The following PRKDC variants were observed in gnomAD, a reference collection of about 807,000 sequenced individuals.
The protein encoded by PRKDC is protein kinase, DNA-activated, catalytic subunit.
Under a neutral mutation model 486.9 loss-of-function variants are expected in PRKDC, and 82 were observed. The observed-to-expected ratio is 0.17, with a 90% CI of 0.14 to 0.20. PRKDC has a LOEUF of 0.20. PRKDC is among the 10% of genes least tolerant of loss of function. The pLI is 1.00. For missense variants in PRKDC, 4,504 were observed against 5,038.2 expected (o/e 0.89, Z 3.21); for synonymous variants, 1,895 against 1,837.0 (o/e 1.03, Z -0.81).
rs758751159 is a variant in PRKDC at position 47,797,319 on chromosome 8, T to C, written c.10458+918A>G. On this transcript the variant is annotated intron_variant, in intron 73 of 85. Transcript: ENST00000314191. ...GGAAAAAAATAAAATCATAATGAAG[T>C]TATTTGCTCACTTATCTTGAAGAAA... Among the ~76,000 whole-genome samples the C allele has an allele frequency of 3.9e-4, 59 of 152,190 alleles. 1 individual carries two copies. The highest frequency in any genetic ancestry group is 1.7e-3 in the Admixed American group (26 of 15,270).
At chr8:47,902,841 A>T (rs1336026510) in intron 26 of PRKDC, 46 bp from the exon 27 acceptor site, 3 of 1,422,654 alleles carry the variant, frequency 2.1e-6, no homozygotes, top group Non-Finnish European at 2.9e-6. Context: ...TTTTATAACC[A>T]CTGACAACTG....
chr8:47,906,217 C>T (rs545530386), intron 25 of PRKDC, among the ~76,000 whole-genome samples: 2 of 151,962 alleles, frequency 1.3e-5, no homozygotes, highest in South Asian at 2.1e-4. Context: ...CACGGTGGTG[C>T]GTGCCTGTAG....
Position 47,785,278 on chromosome 8 carries a change from C to T in PRKDC, c.10942G>A (p.Gly3648Ser), listed in dbSNP as rs1347911671. The part of the protein sequence containing the change: ...KEFDKHFGKG[G>S]SKLLRMKLSD... Reference sequence around the variant, plus strand: ...AGCTTCATTCTCAGTAGTTTAGAACCTCCTTTCCCAAAATGTTTATCAAAT... The same window carrying T: ...AGCTTCATTCTCAGTAGTTTAGAACTTCCTTTCCCAAAATGTTTATCAAAT... The change falls in exon 77 of 86, where the codon GGT (glycine) becomes AGT (serine). Residue 3648 changes from glycine (G) to serine (S), a missense_variant. Transcript: ENST00000314191. The T allele has an allele frequency of 6.2e-7, 1 of 1,608,272 alleles. No homozygotes were observed. The highest frequency in any genetic ancestry group is 1.3e-5 in the African/African-American group (1 of 74,862).
intron 10 of PRKDC, among the ~76,000 whole-genome samples, chr8:47,941,144 A>C (rs1272739533): frequency 4.6e-5 from 7 of 151,590 alleles, no homozygotes; most frequent in East Asian, 1.9e-4. Context: ...AAAAAAAAAA[A>C]CCAAAAAAAC....
At chr8:47,925,267 C>T (rs910264668) in intron 21 of PRKDC, among the ~76,000 whole-genome samples, 1 of 152,210 alleles carries the variant, frequency 6.6e-6, no homozygotes, top group South Asian at 2.1e-4. Context: ...AAACACTGAC[C>T]AAATGGTTAC....
At chr8:47,783,354 C>T (rs958105299) in intron 78 of PRKDC, among the ~76,000 whole-genome samples, 10 of 149,942 alleles carry the variant, frequency 6.7e-5, no homozygotes, top group Non-Finnish European at 1.2e-4. Flanking sequence ...TTTGCGGAGG[C>T]GGAGGTGGAT....
In PRKDC at chr8:47,904,875, A is replaced by G; in HGVS notation, c.3036T>C (p.Ala1012=). The change falls in exon 26 of 86, where the codon GCT becomes GCC. Residue 1012 remains alanine, a synonymous_variant. Transcript: ENST00000314191. ...AGAATCAACTATTACTTACCAATAT[A>G]GCTTCTAGTAAGGCAACAGTATCCT... ...ESQDTVALLE[A]ILDGIVDPVD... 6.3e-7 allele frequency: 1 copy of G among 1,588,306 alleles called. No homozygotes were observed.
intron 49 of PRKDC, 55 bp downstream of exon 49, chr8:47,857,101 T>C: frequency 1.9e-6 from 3 of 1,560,620 alleles, no homozygotes; most frequent in African/African-American, 1.4e-5. Flanking sequence ...TCATAGGCTC[T>C]ATAGGCTATT....
chr8:47,853,355 G>A (rs968083831), intron 51 of PRKDC, among the ~76,000 whole-genome samples: 2 of 152,222 alleles, frequency 1.3e-5, no homozygotes, highest in African/African-American at 4.8e-5. Context: ...GTCATCTCTG[G>A]CACCAGTAAC....
chr8:47,786,648 A>T (rs1028918757), intron 76 of PRKDC, among the ~76,000 whole-genome samples: 6 of 152,206 alleles, frequency 3.9e-5, no homozygotes, highest in Admixed American at 3.9e-4. Flanking sequence ...GAAAAATTTA[A>T]GAATGCTACT....
At chr8:47,777,115 C>CTTTGTAGCTG in intron 84 of PRKDC, 132 bp from the exon 85 acceptor site, 14 of 1,147,798 alleles carry the variant, frequency 1.2e-5, no homozygotes, top group Non-Finnish European at 1.6e-5. Flanking sequence ...CTTTCTACAG[C>CTTTGTAGCTG]TACAAAGCTG....
At chr8:47,847,095 T>A (rs2088284268) in intron 54 of PRKDC, among the ~76,000 whole-genome samples, 1 of 152,214 alleles carries the variant, frequency 6.6e-6, no homozygotes, top group African/African-American at 2.4e-5. Flanking sequence ...TCAATGCTAT[T>A]CCTATCAAAC....
intron 25 of PRKDC, among the ~76,000 whole-genome samples, chr8:47,907,411 T>TATAC (rs1442172975): frequency 5.8e-4 from 86 of 148,928 alleles, no homozygotes; most frequent in African/African-American, 1.2e-3. Flanking sequence ...TATATATATA[T>TATAC]ACACACACAC....
At chr8:47,882,643 G>A (rs1458872196) in intron 36 of PRKDC, among the ~76,000 whole-genome samples, 3 of 152,076 alleles carry the variant, frequency 2.0e-5, no homozygotes, top group Admixed American at 2.0e-4. Flanking sequence ...CACACTTCTT[G>A]TTCAACTACC....
chr8:47,926,437 C>T (rs531354433), intron 21 of PRKDC, among the ~76,000 whole-genome samples: 4 of 152,058 alleles, frequency 2.6e-5, no homozygotes, highest in African/African-American at 9.7e-5. Context: ...CAGGTAAAAC[C>T]TCACAATTTT....
At chr8:47,880,775 C>G (rs376602875) in intron 38 of PRKDC, among the ~76,000 whole-genome samples, 2 of 151,868 alleles carry the variant, frequency 1.3e-5, no homozygotes, top group African/African-American at 4.8e-5. Context: ...TGTTCTAGGC[C>G]GGGTGTGGTG....
chr8:47,935,010 T>G lies in PRKDC; in HGVS notation c.1496A>C (p.Lys499Thr). The G allele has an allele frequency of 6.6e-7, 1 of 1,517,214 alleles. No homozygotes were observed. Among genetic ancestry groups the G allele is most frequent in the African/African-American group, 1.4e-5 (1 of 72,188 alleles). 94.0% of individuals were successfully genotyped at this position (1,517,214 alleles called of 1,614,324 possible). ...CTAAACATTAAATTCAGAATTTACC[T>G]TTGGAAGGACCACTGGTTTAGAACA... ...RICSKPVVLP[K>T]GPESESEDHR... The change falls in exon 14 of 86, where the codon AAG becomes ACG. Residue 499 changes from lysine to threonine, a missense_variant and splice_region_variant. Coordinates refer to ENST00000314191, the MANE Select transcript of PRKDC (RefSeq NM_006904.7).
At chr8:47,901,626 T>C (rs1041257280) in intron 27 of PRKDC, among the ~76,000 whole-genome samples, 4 of 152,252 alleles carry the variant, frequency 2.6e-5, no homozygotes, top group African/African-American at 9.6e-5. Context: ...CTCTGTCCCT[T>C]GCATCTGCAG....
chr8:47,898,073 C>T (rs2089613835), intron 29 of PRKDC, among the ~76,000 whole-genome samples: 1 of 152,204 alleles, frequency 6.6e-6, no homozygotes, highest in Non-Finnish European at 1.5e-5. Context: ...TTTTATAATT[C>T]CATGTCTGTC....
Sources: gnomAD v4.1 joint callset for allele counts (sites outside exome capture counted in the v4.1 genomes callset) on GRCh38, gnomAD v4.1.1 for gene constraint, MANE v1.5 for transcripts, NCBI Gene and HGNC (gene_info 2026-07-23, HGNC 2026-07-21) for gene names.